The following FBXL17 variants were observed in gnomAD, a reference collection of about 807,000 sequenced individuals.
The protein encoded by FBXL17 is F-box and leucine rich repeat protein 17, also known as F-box/LRR-repeat protein 17.
Under a neutral mutation model 66.2 loss-of-function variants are expected in FBXL17, and 22 were observed. That is an observed-to-expected ratio of 0.33 (90% confidence interval 0.24 to 0.47). The LOEUF (loss-of-function observed/expected upper bound fraction) is 0.47. Among genes scored for constraint, FBXL17 ranks in the 20% least tolerant of loss-of-function variants. The pLI, the probability that FBXL17 is intolerant of heterozygous loss-of-function variation, is 1.00. For synonymous variants in FBXL17, 474 were observed against 400.5 expected (o/e 1.18, Z -2.19); for missense variants, 878 against 948.2 (o/e 0.93, Z 0.97).
At chr5:108,270,521 G>A (rs1757223931) in intron 4 of FBXL17, among the ~76,000 whole-genome samples, 1 of 149,338 alleles carries the variant, frequency 6.7e-6, no homozygotes, top group Non-Finnish European at 1.5e-5. Context: ...AAAAGGAGGT[G>A]ACTCTTAGGT....
chr5:108,295,505 C>T (rs1314138182), intron 4 of FBXL17, among the ~76,000 whole-genome samples: 4 of 151,890 alleles, frequency 2.6e-5, no homozygotes, highest in East Asian at 1.9e-4. Context: ...TGAACCCAGA[C>T]GGTCTGCTCC....
intron 6 of FBXL17, among the ~76,000 whole-genome samples, chr5:108,185,419 C>G (rs537600744): frequency 1.2e-4 from 18 of 152,292 alleles, no homozygotes; most frequent in Admixed American, 9.8e-4. Context: ...CCTTCTCTAG[C>G]CATGTAAGAG....
intron 4 of FBXL17, among the ~76,000 whole-genome samples, chr5:108,296,009 G>T (rs1327191931): frequency 6.6e-6 from 1 of 151,236 alleles, no homozygotes; most frequent in African/African-American, 2.4e-5. Context: ...GAATAGGGTG[G>T]AACAGGGAAG....
chr5:108,336,817 T>G (rs1336772281), intron 4 of FBXL17, among the ~76,000 whole-genome samples: 1 of 152,192 alleles, frequency 6.6e-6, no homozygotes, highest in Non-Finnish European at 1.5e-5. Flanking sequence ...GAATAAAGTA[T>G]ATTTCACCAA....
At chr5:108,292,073 T>TC (rs1758134687) in intron 4 of FBXL17, among the ~76,000 whole-genome samples, 1 of 151,518 alleles carries the variant, frequency 6.6e-6, no homozygotes, top group African/African-American at 2.4e-5. Context: ...ATTTAATGCC[T>TC]CCCCAATGCT....
intron 6 of FBXL17, among the ~76,000 whole-genome samples, chr5:108,037,318 A>C (rs1339742297): frequency 1.3e-5 from 2 of 152,194 alleles, no homozygotes; most frequent in African/African-American, 4.8e-5. Flanking sequence ...AAGGGAGGTA[A>C]ATTTACTTTC....
At chr5:108,315,745 G>C (rs1287348056) in intron 4 of FBXL17, among the ~76,000 whole-genome samples, 4 of 151,358 alleles carry the variant, frequency 2.6e-5, no homozygotes, top group African/African-American at 9.7e-5. Flanking sequence ...AATTAGGCTT[G>C]CTAATCAAAA....
intron 5 of FBXL17, among the ~76,000 whole-genome samples, chr5:108,191,421 C>T (rs1251379180): frequency 6.6e-6 from 1 of 152,138 alleles, no homozygotes; most frequent in East Asian, 1.9e-4. Flanking sequence ...ATGTTATGTA[C>T]ATTTTACCAC....
rs181519758 is a variant in FBXL17 at position 107,950,506 on chromosome 5, A to G, written c.1823-69327T>C. 7.6e-3 allele frequency among the ~76,000 whole-genome samples: 1,160 copies of G among 152,334 alleles called. 6 individuals are homozygous for G. Among genetic ancestry groups the G allele is most frequent in the Non-Finnish European group, 0.012 (783 of 68,028 alleles). On this transcript the variant is annotated intron_variant, in intron 7 of 8. Transcript: ENST00000542267. ...TTTGAGATACATATAAATATGGGGT[A>G]GATAAATGAGGTAATGGCAAAAAGC...
At chr5:108,025,831 C>G (rs1465733527) in intron 6 of FBXL17, among the ~76,000 whole-genome samples, 2 of 152,022 alleles carry the variant, frequency 1.3e-5, no homozygotes, top group African/African-American at 4.8e-5. Flanking sequence ...CAATTCCATG[C>G]TGCAGAAGCT....
chr5:108,378,914 G>T (rs1315869223), intron 1 of FBXL17, among the ~76,000 whole-genome samples: 4 of 152,156 alleles, frequency 2.6e-5, no homozygotes, highest in Admixed American at 6.5e-5. Flanking sequence ...ACTTCGTGCT[G>T]AATACCACTA....
At chr5:108,298,801 T>C (rs1225500488) in intron 4 of FBXL17, 22 of 812,456 alleles carry the variant, frequency 2.7e-5, no homozygotes, top group Admixed American at 6.3e-5. Context: ...ATTTAGTGTA[T>C]ACATATTTTC....
Position 108,060,095 on chromosome 5 carries a change from G to C in FBXL17, c.1746-39094C>G, listed in dbSNP as rs1352529440. Among the ~76,000 whole-genome samples the C allele has an allele frequency of 2.0e-5, 3 of 150,620 alleles. No individual in the cohort carries two copies. The East Asian group carries it at 5.8e-4, about 29-fold the overall frequency. ...AATATATATATTCAGCAGGACATTT[G>C]AAGTTTCTATATTTGTAGTAATATT... On this transcript the variant is annotated intron_variant, in intron 6 of 8. Coordinates refer to ENST00000542267, the MANE Select transcript of FBXL17 (RefSeq NM_001163315.3).
chr5:107,870,620 C>T (rs1472837858), intron 8 of FBXL17, among the ~76,000 whole-genome samples: 1 of 149,740 alleles, frequency 6.7e-6, no homozygotes, highest in Admixed American at 6.7e-5. Context: ...TGGAGTCTTG[C>T]TGTCACCCAG....
intron 7 of FBXL17, among the ~76,000 whole-genome samples, chr5:107,889,796 C>T (rs1245764240): frequency 6.6e-6 from 1 of 152,172 alleles, no homozygotes; most frequent in Non-Finnish European, 1.5e-5. Flanking sequence ...TTATCCCTTG[C>T]CCCTTCTTAT....
intron 7 of FBXL17, among the ~76,000 whole-genome samples, chr5:107,902,341 A>T (rs1414784680): frequency 1.3e-5 from 2 of 152,210 alleles, no homozygotes; most frequent in East Asian, 3.9e-4. Context: ...CTCTGAAATG[A>T]TTTAATTTAT....
At chr5:107,911,117 A>G (rs1220603903) in intron 7 of FBXL17, among the ~76,000 whole-genome samples, 1 of 152,110 alleles carries the variant, frequency 6.6e-6, no homozygotes, top group African/African-American at 2.4e-5. Flanking sequence ...AAAGTAGTTA[A>G]GAGAGGGATG....
chr5:108,380,720 C>T lies in FBXL17; in HGVS notation c.972G>A (p.Leu324=), dbSNP rs767925662. The part of the protein sequence containing the change: ...PPPETPDINQ[L]PPSILLKIFS... ...CCACCTTGAGCAGGATGGACGGCGG[C>T]AGCTGGTTGATGTCTGGGGTTTCGG... Residue 324 remains leucine (L), a synonymous_variant, in exon 1 of 9, where the codon CTG becomes CTA. Transcript: ENST00000542267. The T allele has an allele frequency of 3.3e-4, 415 of 1,249,762 alleles. No individual in the cohort carries two copies. Among genetic ancestry groups the T allele is most frequent in the Non-Finnish European group, 3.9e-4 (381 of 989,382 alleles). 77.4% of individuals were successfully genotyped at this position (1,249,762 alleles called of 1,614,324 possible).
At chr5:108,209,629 T>C (rs888086470) in intron 5 of FBXL17, among the ~76,000 whole-genome samples, 8 of 152,222 alleles carry the variant, frequency 5.3e-5, no homozygotes, top group African/African-American at 1.7e-4. Context: ...TTTTCTTATG[T>C]TGAACCAGGC....
Sources: allele counts gnomAD v4.1 joint callset (sites outside exome capture counted in the v4.1 genomes callset), GRCh38; gene constraint gnomAD v4.1.1; transcripts MANE v1.5; gene names NCBI Gene and HGNC (gene_info 2026-07-23, HGNC 2026-07-21).